IMMP2L: variants seen among roughly 807,000 people sequenced by gnomAD.
The protein encoded by IMMP2L is mitochondrial inner membrane protease subunit 2.
Under a neutral mutation model 19.3 loss-of-function variants are expected in IMMP2L, and 18 were observed. The ratio of observed to expected loss-of-function variants is 0.93; its 90% confidence interval spans 0.64 to 1.38. The LOEUF (loss-of-function observed/expected upper bound fraction) is 1.38, where lower values mean the gene tolerates loss of function less well. Among genes scored for constraint, IMMP2L ranks in the 40% most tolerant of loss-of-function variants. The pLI, the probability that IMMP2L is intolerant of heterozygous loss-of-function variation, is 0.00. For synonymous variants in IMMP2L, 76 were observed against 73.0 expected, an observed-to-expected ratio of 1.04 and a Z score of -0.21; for missense variants, 233 against 218.2, an observed-to-expected ratio of 1.07 and a Z score of -0.43.
At chr7:111,406,091 A>G (rs758123608) in intron 3 of IMMP2L, among the ~76,000 whole-genome samples, 1 of 152,038 alleles carries the variant, frequency 6.6e-6, no homozygotes, top group Non-Finnish European at 1.5e-5. Flanking sequence ...CAACTTCTCT[A>G]CATTATATTT....
intron 1 of IMMP2L, among the ~76,000 whole-genome samples, chr7:111,560,992 G>C (rs1791978466): frequency 6.6e-6 from 1 of 152,148 alleles, no homozygotes; most frequent in African/African-American, 2.4e-5. Flanking sequence ...CTACATTCCT[G>C]CTTGTAGCTA....
At chr7:110,695,346 C>A (rs1793807485) in intron 5 of IMMP2L, among the ~76,000 whole-genome samples, 1 of 151,838 alleles carries the variant, frequency 6.6e-6, no homozygotes, top group Admixed American at 6.6e-5. Flanking sequence ...TGAATGCCAC[C>A]ACCCCCAGCT....
At chr7:110,849,172 G>T (rs1805957898) in intron 5 of IMMP2L, among the ~76,000 whole-genome samples, 1 of 152,010 alleles carries the variant, frequency 6.6e-6, no homozygotes, top group African/African-American at 2.4e-5. Context: ...TGTTTGTGAG[G>T]ACAGAGGATA....
intron 1 of IMMP2L, among the ~76,000 whole-genome samples, chr7:111,525,699 G>T (rs1219759007): frequency 6.6e-6 from 1 of 152,022 alleles, no homozygotes; most frequent in Non-Finnish European, 1.5e-5. Flanking sequence ...AAGGGGCCGT[G>T]GTAGCCTGTC....
chr7:111,025,446 A>T (rs1826709023), intron 3 of IMMP2L, among the ~76,000 whole-genome samples: 1 of 152,216 alleles, frequency 6.6e-6, no homozygotes, highest in East Asian at 1.9e-4. Context: ...TGAAAGCATA[A>T]AGATTACATC....
At chr7:111,354,772 A>G (rs945896048) in intron 3 of IMMP2L, among the ~76,000 whole-genome samples, 9 of 151,832 alleles carry the variant, frequency 5.9e-5, no homozygotes, top group Non-Finnish European at 1.2e-4. Flanking sequence ...TTTTTTAACA[A>G]TAACAAAAAA....
intron 3 of IMMP2L, among the ~76,000 whole-genome samples, chr7:111,241,679 T>A (rs144965956): frequency 7.3e-5 from 11 of 151,474 alleles, no homozygotes; most frequent in African/African-American, 2.7e-4. Context: ...TGCTGTAACT[T>A]TTATACATAA....
intron 3 of IMMP2L, among the ~76,000 whole-genome samples, chr7:110,987,267 C>A (rs1024195034): frequency 1.3e-5 from 2 of 152,048 alleles, no homozygotes; most frequent in African/African-American, 4.8e-5. Flanking sequence ...TGCAAGTGTT[C>A]TTGTTATTTT....
chr7:111,454,972 A>T (rs1839557241), intron 3 of IMMP2L, among the ~76,000 whole-genome samples: 1 of 152,040 alleles, frequency 6.6e-6, no homozygotes, highest in Non-Finnish European at 1.5e-5. Flanking sequence ...TCTAAACTTT[A>T]AGATTTGTCA....
At chr7:111,509,108 C>T (rs530176748) in intron 2 of IMMP2L, among the ~76,000 whole-genome samples, 1 of 152,234 alleles carries the variant, frequency 6.6e-6, no homozygotes, top group African/African-American at 2.4e-5. Flanking sequence ...CCATGTCTAG[C>T]AAATCCCCCA....
intron 3 of IMMP2L, among the ~76,000 whole-genome samples, chr7:111,331,313 A>C (rs907469608): frequency 6.6e-6 from 1 of 151,958 alleles, no homozygotes; most frequent in Non-Finnish European, 1.5e-5. Context: ...GCTAAGTGAA[A>C]TAAATAAGGC....
chr7:111,065,459 C>T (rs975359296), intron 3 of IMMP2L, among the ~76,000 whole-genome samples: 4 of 152,068 alleles, frequency 2.6e-5, no homozygotes, highest in African/African-American at 9.7e-5. Flanking sequence ...TGAGTGTCAA[C>T]TTGATTGGAT....
rs59384730 is a variant in IMMP2L at position 111,082,855 on chromosome 7, C to CAAAAAAAAA, written c.240-119299_240-119291dup. 7.0e-3 allele frequency among the ~76,000 whole-genome samples: 499 copies of CAAAAAAAAA among 71,038 alleles called. 4 individuals are homozygous for CAAAAAAAAA. The highest frequency in any genetic ancestry group is 0.019 in the African/African-American group (461 of 23,750). 46.6% of individuals were successfully genotyped at this position (71,038 alleles called of 152,430 possible). ...TGGAAAGAAAGATAAGCGATTTTGC[C>CAAAAAAAAA]AAAAAAAAAAAAAAAAAAATGACAC... On this transcript the variant is annotated intron_variant, in intron 3 of 5. Coordinates refer to ENST00000405709, the MANE Select transcript of IMMP2L (RefSeq NM_032549.4).
intron 1 of IMMP2L, among the ~76,000 whole-genome samples, chr7:111,552,629 T>C (rs1174312737): frequency 6.6e-6 from 1 of 152,176 alleles, no homozygotes; most frequent in Non-Finnish European, 1.5e-5. Flanking sequence ...CAAAGGACTC[T>C]CACATAAATG....
Position 111,521,406 on chromosome 7 carries a change from G to A in IMMP2L, c.42C>T (p.Ala14=). The change falls in exon 2 of 6, where the codon GCC becomes GCT. Residue 14 remains alanine (A), a synonymous_variant. Coordinates refer to ENST00000405709, the MANE Select transcript of IMMP2L (RefSeq NM_032549.4). ...SQGWVKRYIK[A]FCKGFFVAVP... is the part of the protein sequence containing the mutation. ...CCGCCACAAAGAAGCCTTTACAAAAGGCCTTGATGTATCTTTTCACCCACC... is the reference window on the plus strand; with the variant it reads ...CCGCCACAAAGAAGCCTTTACAAAAAGCCTTGATGTATCTTTTCACCCACC... 1 of 1,612,842 alleles carries A rather than the reference G, an allele frequency of 6.2e-7. No homozygotes were observed. Among genetic ancestry groups the A allele is most frequent in the Non-Finnish European group, 8.5e-7 (1 of 1,179,236 alleles).
At chr7:111,101,514 C>G (rs1797972095) in intron 3 of IMMP2L, among the ~76,000 whole-genome samples, 1 of 151,096 alleles carries the variant, frequency 6.6e-6, no homozygotes. Flanking sequence ...TTCTTTTGTC[C>G]ACTGTCTACC....
chr7:110,961,127 A>T (rs1818888492), intron 4 of IMMP2L, among the ~76,000 whole-genome samples: 1 of 151,926 alleles, frequency 6.6e-6, no homozygotes, highest in Admixed American at 6.6e-5. Flanking sequence ...ATAGTTTGGC[A>T]GTTTCTTACA....
chr7:111,092,352 C>CTGCT (rs1400957035), intron 3 of IMMP2L, among the ~76,000 whole-genome samples: 1 of 152,198 alleles, frequency 6.6e-6, no homozygotes, highest in African/African-American at 2.4e-5. Flanking sequence ...TTCTAACCAA[C>CTGCT]TGCTATATTC....
At chr7:110,950,229 C>A (rs1817655397) in intron 4 of IMMP2L, among the ~76,000 whole-genome samples, 1 of 151,986 alleles carries the variant, frequency 6.6e-6, no homozygotes. Flanking sequence ...GACTTTTCCC[C>A]ATTGTGTATT....
Sources: gnomAD v4.1 joint callset for allele counts (sites outside exome capture counted in the v4.1 genomes callset) on GRCh38, gnomAD v4.1.1 for gene constraint, MANE v1.5 for transcripts, NCBI Gene and HGNC (gene_info 2026-07-23, HGNC 2026-07-21) for gene names.